The following MTMR8 variants were observed in gnomAD, a reference collection of about 807,000 sequenced individuals.
MTMR8 encodes myotubularin related protein 8.
A neutral mutation model predicts 39.3 loss-of-function variants in MTMR8; 65 were observed. That is an observed-to-expected ratio of 1.65 (90% confidence interval 1.35 to 2.03). The LOEUF (loss-of-function observed/expected upper bound fraction) is 2.03, where lower values mean the gene tolerates loss of function less well. Among genes scored for constraint, MTMR8 ranks in the 30% most tolerant of loss-of-function variants. The pLI is 0.00. For synonymous variants in MTMR8, 245 were observed against 185.2 expected, an observed-to-expected ratio of 1.32 and a Z score of -2.62; for missense variants, 777 against 538.9, an observed-to-expected ratio of 1.44 and a Z score of -4.37.
intron 12 of MTMR8, among the ~76,000 whole-genome samples, chrX:64,307,223 G>A (rs1922149273): frequency 8.9e-6 from 1 of 111,909 alleles, no homozygotes; most frequent in African/African-American, 3.2e-5. Context: ...TGTAGCTTCT[G>A]TAGAGGAAAA....
intron 12 of MTMR8, among the ~76,000 whole-genome samples, chrX:64,312,999 G>T (rs1454376227): frequency 3.6e-5 from 4 of 112,183 alleles, no homozygotes; most frequent in Non-Finnish European, 7.5e-5. Flanking sequence ...AGGCAGAATA[G>T]ATTTATTATA....
At chrX:64,329,046 T>G in intron 11 of MTMR8, 146 bp from the exon 12 acceptor site, 1 of 474,620 alleles carries the variant, frequency 2.1e-6, no homozygotes, top group Non-Finnish European at 3.2e-6. Flanking sequence ...GAAAAATAAG[T>G]GGATAAAAAG....
At chrX:64,345,000 C>T (rs771993787) in intron 7 of MTMR8, 45 bp downstream of exon 7, 44 of 1,188,425 alleles carry the variant, frequency 3.7e-5, no homozygotes, top group Middle Eastern at 2.4e-4. Flanking sequence ...TACATGATAA[C>T]GCAAAGCTAT....
chrX:64,306,869 C>T (rs1922136678), intron 12 of MTMR8: 2 of 111,545 alleles, frequency 1.8e-5, no homozygotes, highest in African/African-American at 3.3e-5. Flanking sequence ...CTTCCTTCCT[C>T]CTCCTCAACT....
chrX:64,293,594 C>A (rs778432390), intron 12 of MTMR8, among the ~76,000 whole-genome samples: 13 of 111,453 alleles, frequency 1.2e-4, no homozygotes, highest in African/African-American at 3.9e-4. Context: ...GGGACCCACA[C>A]CCACATAGGG....
At position 64,349,987 on chromosome X, in the gene MTMR8, A is replaced by G; in HGVS notation, c.552T>C (p.Ser184=). The change falls in exon 5 of 14, where the codon AGT becomes AGC. Residue 184 remains serine, a synonymous_variant. Coordinates refer to ENST00000374852, the MANE Select transcript of MTMR8 (RefSeq NM_017677.4). Reference sequence around the variant, plus strand: ...AGGAGAGCACAGGGACACGTTCTTTACTTCTGAACTTTGAACTTCCAACCA... The same window carrying G: ...AGGAGAGCACAGGGACACGTTCTTTGCTTCTGAACTTTGAACTTCCAACCA... ...GTVVGSSKFR[S]KERVPVLSYL... 8.3e-7 allele frequency: 1 copy of G among 1,197,669 alleles called. No homozygotes were observed. Among genetic ancestry groups the G allele is most frequent in the Non-Finnish European group, 1.1e-6 (1 of 887,672 alleles).
chrX:64,280,101 C>A (rs1931969194), intron 12 of MTMR8, among the ~76,000 whole-genome samples: 1 of 111,827 alleles, frequency 8.9e-6, no homozygotes, highest in Admixed American at 9.5e-5. Context: ...GAATTCACAG[C>A]CAAATTCTGC....
At chrX:64,287,034 C>A (rs899458567) in intron 12 of MTMR8, among the ~76,000 whole-genome samples, 4 of 111,628 alleles carry the variant, frequency 3.6e-5, no homozygotes, top group Non-Finnish European at 7.5e-5. Flanking sequence ...TCCCTGTTTG[C>A]AGATGACATG....
chrX:64,304,038 A>G (rs1279884112), intron 12 of MTMR8, among the ~76,000 whole-genome samples: 1 of 112,195 alleles, frequency 8.9e-6, no homozygotes, highest in East Asian at 2.8e-4. Flanking sequence ...AATCTACACA[A>G]ATTAGCTTTG....
At chrX:64,356,047 T>A in intron 3 of MTMR8, 129 bp downstream of exon 3, 4 of 630,948 alleles carry the variant, frequency 6.3e-6, no homozygotes, top group Non-Finnish European at 9.7e-6. Context: ...CTTGCCCAAA[T>A]ATAATGGAGC....
chrX:64,351,057 C>T (rs985685052), intron 4 of MTMR8, among the ~76,000 whole-genome samples: 4 of 111,640 alleles, frequency 3.6e-5, no homozygotes, highest in Non-Finnish European at 7.5e-5. Flanking sequence ...TTTCTACCCA[C>T]CCCCTTACCT....
intron 8 of MTMR8, among the ~76,000 whole-genome samples, chrX:64,341,651 C>G (rs928535513): frequency 2.2e-4 from 24 of 111,299 alleles, no homozygotes; most frequent in African/African-American, 7.5e-4. Flanking sequence ...TAAATAAAAT[C>G]ATAAATTCAG....
At chrX:64,354,145 G>A (rs758310860) in intron 4 of MTMR8, among the ~76,000 whole-genome samples, 1 of 107,152 alleles carries the variant, frequency 9.3e-6, no homozygotes, top group South Asian at 4.3e-4. Flanking sequence ...ACAGAGAGTA[G>A]AATGATGGTT....
intron 8 of MTMR8, 33 bp from the exon 9 acceptor site, chrX:64,337,426 G>A: frequency 8.4e-6 from 10 of 1,196,333 alleles, no homozygotes; most frequent in Non-Finnish European, 1.0e-5. Context: ...AGTACCACAA[G>A]CAACCTTTGC....
chrX:64,311,077 C>G (rs1001273614), intron 12 of MTMR8, among the ~76,000 whole-genome samples: 1 of 111,995 alleles, frequency 8.9e-6, no homozygotes, highest in African/African-American at 3.3e-5. Context: ...AATCACCACA[C>G]TGTCTTCCAC....
At chrX:64,304,971 C>A (rs1164704513) in intron 12 of MTMR8, 1 of 65,101 alleles carries the variant, frequency 1.5e-5, no homozygotes, top group African/African-American at 6.9e-5. Flanking sequence ...TATGTATATA[C>A]ATATATATGT....
chrX:64,323,293 C>T (rs1270167094), intron 12 of MTMR8, among the ~76,000 whole-genome samples: 1 of 111,974 alleles, frequency 8.9e-6, no homozygotes, highest in Non-Finnish European at 1.9e-5. Flanking sequence ...ATAAAATAGG[C>T]TTTAAGGCAA....
At chrX:64,306,272 C>T (rs1164186696) in intron 12 of MTMR8, 6 of 332,210 alleles carry the variant, frequency 1.8e-5, no homozygotes, top group Middle Eastern at 1.1e-3. Flanking sequence ...GGAAATGTGG[C>T]ACAGCATTGG....
chrX:64,358,670 T>C (rs902577403), intron 2 of MTMR8, among the ~76,000 whole-genome samples: 12 of 111,450 alleles, frequency 1.1e-4, no homozygotes, highest in Non-Finnish European at 1.5e-4. Flanking sequence ...AAAAGAAGCA[T>C]GTTGTACTTC....
Sources: allele counts gnomAD v4.1 joint callset (sites outside exome capture counted in the v4.1 genomes callset), GRCh38; gene constraint gnomAD v4.1.1; transcripts MANE v1.5; gene names NCBI Gene and HGNC (gene_info 2026-07-23, HGNC 2026-07-21).